MIA2: variants seen among roughly 807,000 people sequenced by gnomAD.
MIA2 encodes melanoma inhibitory activity protein 2.
A neutral mutation model predicts 167.8 loss-of-function variants in MIA2; 127 were observed. The ratio of observed to expected loss-of-function variants is 0.76; its 90% CI spans 0.66 to 0.88. The LOEUF (loss-of-function observed/expected upper bound fraction) is 0.88, where lower values mean the gene tolerates loss of function less well. Among genes scored for constraint, MIA2 ranks in the 40% least tolerant of loss-of-function variants. The pLI is 0.00. For missense variants in MIA2, 1,690 were observed against 1,624.7 expected, an observed-to-expected ratio of 1.04 and a Z score of -0.69; for synonymous variants, 552 against 541.9, an observed-to-expected ratio of 1.02 and a Z score of -0.26.
At chr14:39,351,275 G>T (rs1364251060), downstream of MIA2, 2 of 151,238 alleles carry the variant, frequency 1.3e-5, no homozygotes, top group African/African-American at 4.9e-5. Context: ...GAATAAAGCA[G>T]TGATATATAT....
Position 39,291,068 on chromosome 14 carries a change from A to G in MIA2, c.2180A>G (p.Lys727Arg), listed in dbSNP as rs1407592399. The change falls in exon 10 of 29, where the codon AAG (lysine) becomes AGG (arginine). Residue 727 changes from lysine to arginine, a missense_variant. Coordinates refer to ENST00000640607, the MANE Select transcript of MIA2 (RefSeq NM_001329214.4). ...ESSLKDASFEKEATEAQSLEA... is the reference protein window; with the variant it reads ...ESSLKDASFEREATEAQSLEA... The stretch of plus-strand genomic sequence containing the variant: ...TCTTTAAAGGATGCCAGCTTTGAGA[A>G]GGAGGCAACAGAAGCACAAAGTTTG... The G allele has an allele frequency of 3.1e-6, 5 of 1,607,778 alleles. No individual in the cohort carries two copies. In the South Asian group the frequency reaches 3.4e-5, roughly 11 times the overall value.
intron 25 of MIA2, among the ~76,000 whole-genome samples, chr14:39,341,866 G>T (rs1044241013): frequency 6.6e-5 from 10 of 152,160 alleles, no homozygotes; most frequent in Non-Finnish European, 2.9e-5. Flanking sequence ...TGATAAAGCT[G>T]TATATAGAAT....
At chr14:39,245,484 G>T (rs1485713295) in intron 3 of MIA2, among the ~76,000 whole-genome samples, 2 of 152,154 alleles carry the variant, frequency 1.3e-5, no homozygotes, top group African/African-American at 4.8e-5. Context: ...CAGCCTGTAA[G>T]CTGCAGGTTG....
chr14:39,357,090 C>G (rs2074548019), intron 23 of MIA2, among the ~76,000 whole-genome samples: 1 of 152,142 alleles, frequency 6.6e-6, no homozygotes, highest in South Asian at 2.1e-4. Flanking sequence ...GAGCTGAGTT[C>G]AGTTCCTGGA....
intron 24 of MIA2, among the ~76,000 whole-genome samples, chr14:39,323,333 C>A (rs1284905556): frequency 2.0e-5 from 3 of 151,916 alleles, no homozygotes; most frequent in Non-Finnish European, 2.9e-5. Flanking sequence ...AAGGGACTGC[C>A]CTATAGACTG....
At chr14:39,293,414 A>G (rs2060994552) in intron 11 of MIA2, 33 bp downstream of exon 11, 3 of 1,344,420 alleles carry the variant, frequency 2.2e-6, no homozygotes, top group Non-Finnish European at 3.1e-6. Context: ...GAATATAAGA[A>G]AAAGAAAGTT....
intron 25 of MIA2, among the ~76,000 whole-genome samples, chr14:39,333,487 C>T (rs1018951591): frequency 4.6e-5 from 7 of 152,208 alleles, no homozygotes; most frequent in Non-Finnish European, 8.8e-5. Context: ...ACCTTTGCGG[C>T]TTTCTCCTTT....
chr14:39,359,976 G>A (rs1001361997), intron 23 of MIA2, among the ~76,000 whole-genome samples: 11 of 147,946 alleles, frequency 7.4e-5, no homozygotes, highest in South Asian at 2.1e-4. Context: ...CTGTTTCTCC[G>A]GATCCTCTGC....
rs753658285 is a variant in MIA2 at position 39,234,198 on chromosome 14, C to T, written c.84C>T (p.Asp28=). 5.6e-6 allele frequency: 9 copies of T among 1,608,608 alleles called. No individual in the cohort carries two copies. Among genetic ancestry groups the T allele is most frequent in the Non-Finnish European group, 6.8e-6 (8 of 1,177,846 alleles). The change falls in exon 1 of 29, where the codon GAC becomes GAT. Residue 28 remains aspartate (D), a synonymous_variant. Coordinates refer to ENST00000640607, the MANE Select transcript of MIA2 (RefSeq NM_001329214.4). ...TGGAGAGTACAAAACTGCTGGCAGACCTTAAAAAATGTGGTGACTTGGAAT... is the reference window on the plus strand; with the variant it reads ...TGGAGAGTACAAAACTGCTGGCAGATCTTAAAAAATGTGGTGACTTGGAAT... The part of the protein sequence containing the change: ...KCLESTKLLA[D]LKKCGDLECE...
At chr14:39,245,604 C>T (rs549636570) in intron 3 of MIA2, among the ~76,000 whole-genome samples, 12 of 152,202 alleles carry the variant, frequency 7.9e-5, no homozygotes, top group Admixed American at 3.3e-4. Context: ...AGACTGGATA[C>T]CTTACAAAGA....
In MIA2 at chr14:39,271,890, G is replaced by A. The variant is rs191823704; in HGVS notation, c.1888-5044G>A. Among the ~76,000 whole-genome samples, 10 of 152,256 alleles carry A rather than the reference G, an allele frequency of 6.6e-5. No homozygotes were observed. In the East Asian group the frequency reaches 7.7e-4, roughly 12 times the overall value. On this transcript the variant is annotated intron_variant, in intron 6 of 28. Coordinates refer to ENST00000640607, the MANE Select transcript of MIA2 (RefSeq NM_001329214.4). Reference sequence around the variant, plus strand: ...GTGAAAGGAAAGCTCTCAGCAAAGAGGGAATGCAGGGGGTGGTTCCCCTAC... The same window carrying A: ...GTGAAAGGAAAGCTCTCAGCAAAGAAGGAATGCAGGGGGTGGTTCCCCTAC...
chr14:39,302,905 T>C (rs2062763435), intron 15 of MIA2, among the ~76,000 whole-genome samples: 1 of 152,150 alleles, frequency 6.6e-6, no homozygotes, highest in Non-Finnish European at 1.5e-5. Context: ...CTTCAGACTT[T>C]TATGTCATTT....
At chr14:39,311,400 T>C (rs181235134) in intron 18 of MIA2, among the ~76,000 whole-genome samples, 231 of 151,652 alleles carry the variant, frequency 1.5e-3, no homozygotes, top group Non-Finnish European at 2.4e-3. Flanking sequence ...ATGACTGATA[T>C]ACCATTTTCC....
In MIA2 at chr14:39,305,391, C is replaced by T. The variant is rs1025813844; in HGVS notation, c.2878+1010C>T. Among the ~76,000 whole-genome samples the T allele has an allele frequency of 3.3e-5, 5 of 152,314 alleles. No homozygotes were observed. In the South Asian group the frequency reaches 8.3e-4, roughly 25 times the overall value. On this transcript the variant is annotated intron_variant, in intron 17 of 28. Coordinates refer to ENST00000640607, the MANE Select transcript of MIA2 (RefSeq NM_001329214.4). ...TGCCAGAGTGGCAAGGAAATTTGCT[C>T]ACCAGTTATCCCACTCCTTAATACA... is the stretch of plus-strand genomic sequence containing the variant.
chr14:39,267,464 A>C, intron 6 of MIA2: 1 of 1,612,238 alleles, frequency 6.2e-7, no homozygotes, highest in Non-Finnish European at 8.5e-7. Flanking sequence ...GGCGCTATGG[A>C]GGAGCCCGGG....
Position 39,273,252 on chromosome 14 carries a change from T to C in MIA2, c.1888-3682T>C, listed in dbSNP as rs889027128. 4.8e-4 allele frequency among the ~76,000 whole-genome samples: 68 copies of C among 140,976 alleles called. 1 individual carries two copies. The Middle Eastern group carries it at 0.011, about 23-fold the overall frequency. The allele number at this position is 140,976 out of a possible 152,430, so 92.5% of individuals were successfully genotyped here. On this transcript the variant is annotated intron_variant, in intron 6 of 28. Transcript: ENST00000640607. ...GAGAAAAGCTTTTTTTTTTTTTTTT[T>C]CCTCATCTTTAAGTATGATGTTAAC...
chr14:39,236,892 T>A (rs763745366), intron 1 of MIA2, 30 bp from the exon 2 acceptor site: 2 of 1,573,550 alleles, frequency 1.3e-6, no homozygotes, highest in African/African-American at 2.7e-5. Context: ...TAATTTAAAG[T>A]GTGTATTTTT....
At chr14:39,292,733 C>A (rs1046921737) in intron 10 of MIA2, 1 of 262,340 alleles carries the variant, frequency 3.8e-6, no homozygotes, top group South Asian at 3.4e-5. Context: ...ATTTAAAATC[C>A]ATTTGGAATA....
chr14:39,337,329 T>C (rs1040653330), intron 25 of MIA2, among the ~76,000 whole-genome samples: 5 of 152,136 alleles, frequency 3.3e-5, no homozygotes, highest in African/African-American at 1.2e-4. Flanking sequence ...ACAAATCCAG[T>C]TATAATTGGA....
Sources: allele counts gnomAD v4.1 joint callset (sites outside exome capture counted in the v4.1 genomes callset), GRCh38; gene constraint gnomAD v4.1.1; transcripts MANE v1.5; gene names NCBI Gene and HGNC (gene_info 2026-07-23, HGNC 2026-07-21).